RBFOX2: variants seen among roughly 807,000 people sequenced by gnomAD.
The protein encoded by RBFOX2 is RNA binding fox-1 homolog 2, also known as RNA binding protein fox-1 homolog 2.
RBFOX2 carries 10 observed loss-of-function variants against 49.1 expected under a neutral mutation model. The ratio of observed to expected loss-of-function variants is 0.20; its 90% CI spans 0.13 to 0.35. The LOEUF (loss-of-function observed/expected upper bound fraction) is 0.35. Ranked by LOEUF, RBFOX2 falls within the 10% of genes least tolerant of loss-of-function variation. The pLI, the probability that RBFOX2 is intolerant of heterozygous loss-of-function variation, is 1.00. For synonymous variants in RBFOX2, 183 were observed against 187.4 expected (o/e 0.98, Z 0.19); for missense variants, 323 against 486.9 (o/e 0.66, Z 3.17).
intron 1 of RBFOX2, among the ~76,000 whole-genome samples, chr22:35,894,978 T>TAAA (rs397936423): frequency 7.4e-6 from 1 of 135,612 alleles, no homozygotes; most frequent in Non-Finnish European, 1.6e-5. Context: ...TAAAAAATCC[T>TAAA]AAAAAAAAAA....
At chr22:35,761,517 G>C (rs912623419) in intron 6 of RBFOX2, 49 bp from the exon 8 acceptor site, 1 of 1,596,278 alleles carries the variant, frequency 6.3e-7, no homozygotes, top group Non-Finnish European at 8.6e-7. Flanking sequence ...TTTGAGGAAA[G>C]GGATGATCAG....
chr22:35,928,942 AAC>A (rs770530088), intron 1 of RBFOX2, among the ~76,000 whole-genome samples: 1 of 152,018 alleles, frequency 6.6e-6, no homozygotes. Context: ...CACTTTGGAA[AAC>A]AGTCTGTGGT....
chr22:35,840,177 A>C (rs1352715847), intron 1 of RBFOX2: 1 of 1,613,584 alleles, frequency 6.2e-7, no homozygotes, highest in African/African-American at 1.3e-5. Context: ...CATGCCGAGG[A>C]AGCACAAATC....
chr22:35,805,182 C>T (rs1033830154), intron 2 of RBFOX2, among the ~76,000 whole-genome samples: 18 of 146,940 alleles, frequency 1.2e-4, no homozygotes, highest in African/African-American at 2.8e-4. Context: ...CCCAGCTATG[C>T]GGGAGGCTGA....
intron 1 of RBFOX2, chr22:35,999,983 T>TTATATATATA (rs373901120): frequency 1.2e-3 from 164 of 135,580 alleles, no homozygotes; most frequent in Non-Finnish European, 2.0e-3. Flanking sequence ...AATATAAAAG[T>TTATATATATA]TATATATATA....
At chr22:36,001,227 ACACAC>A (rs1321785752) in intron 1 of RBFOX2, among the ~76,000 whole-genome samples, 2 of 115,996 alleles carry the variant, frequency 1.7e-5, no homozygotes, top group Non-Finnish European at 3.8e-5. Context: ...ACACACACAC[ACACAC>A]ACTATATGTA....
At chr22:35,860,442 T>C (rs141126452) in intron 1 of RBFOX2, among the ~76,000 whole-genome samples, 1 of 152,316 alleles carries the variant, frequency 6.6e-6, no homozygotes, top group East Asian at 1.9e-4. Context: ...CCCAAACTCC[T>C]GACCCGCAGA....
chr22:35,982,037 G>A (rs888925114), intron 1 of RBFOX2, among the ~76,000 whole-genome samples: 6 of 152,156 alleles, frequency 3.9e-5, no homozygotes, highest in Non-Finnish European at 8.8e-5. Context: ...TGTACTTACA[G>A]CCAATCATGC....
At chr22:35,973,464 C>T (rs6000049) in intron 1 of RBFOX2, among the ~76,000 whole-genome samples, 18,638 of 152,148 alleles carry the variant, frequency 0.12, 2,364 homozygotes, top group African/African-American at 0.32. Flanking sequence ...TCAATAGGAG[C>T]GCCACCTTTA....
chr22:35,890,143 T>A (rs1603440150), intron 1 of RBFOX2, among the ~76,000 whole-genome samples: 1 of 152,190 alleles, frequency 6.6e-6, no homozygotes, highest in African/African-American at 2.4e-5. Flanking sequence ...TAAGAATATA[T>A]CTTTTTCGTA....
intron 2 of RBFOX2, 121 bp downstream of exon 3, chr22:35,809,658 GT>G: frequency 3.7e-6 from 4 of 1,071,198 alleles, no homozygotes; most frequent in Non-Finnish European, 5.6e-6. Flanking sequence ...GAGAGAAGGT[GT>G]AAATGAGAAC....
chr22:35,831,487 C>T (rs1048734019), intron 1 of RBFOX2, among the ~76,000 whole-genome samples: 1 of 152,090 alleles, frequency 6.6e-6, no homozygotes. Context: ...TATTTTGTGA[C>T]ACATACATAT....
chr22:35,904,826 T>C (rs1222043388), intron 1 of RBFOX2, among the ~76,000 whole-genome samples: 1 of 152,204 alleles, frequency 6.6e-6, no homozygotes, highest in Non-Finnish European at 1.5e-5. Flanking sequence ...AGCTGTCATA[T>C]GTGGTTATGT....
intron 1 of RBFOX2, among the ~76,000 whole-genome samples, chr22:35,910,997 G>A (rs2049753510): frequency 6.6e-6 from 1 of 152,076 alleles, no homozygotes; most frequent in Non-Finnish European, 1.5e-5. Flanking sequence ...AAATATAATA[G>A]TCCCCCACAT....
At chr22:35,949,289 A>G (rs1028144623) in intron 1 of RBFOX2, among the ~76,000 whole-genome samples, 2 of 152,224 alleles carry the variant, frequency 1.3e-5, no homozygotes, top group African/African-American at 4.8e-5. Context: ...TCATCTGTCA[A>G]TGGACACTTG....
intron 1 of RBFOX2, among the ~76,000 whole-genome samples, chr22:35,974,455 G>A (rs576201597): frequency 7.2e-5 from 11 of 152,246 alleles, no homozygotes; most frequent in Admixed American, 1.3e-4. Flanking sequence ...TTGGGAGGCC[G>A]AGGCGGGCAG....
At chr22:35,773,900 C>A (rs1943289905) in intron 4 of RBFOX2, among the ~76,000 whole-genome samples, 2 of 152,018 alleles carry the variant, frequency 1.3e-5, no homozygotes, top group African/African-American at 2.4e-5. Flanking sequence ...AGTTCTTAAT[C>A]ACTAAAAGTT....
At chr22:35,974,489 C>CCAG (rs2150027401) in intron 1 of RBFOX2, among the ~76,000 whole-genome samples, 1 of 152,200 alleles carries the variant, frequency 6.6e-6, no homozygotes, top group Non-Finnish European at 1.5e-5. Flanking sequence ...GAGTTGAATA[C>CCAG]CAGCCTGACC....
intron 3 of RBFOX2, among the ~76,000 whole-genome samples, chr22:35,780,448 T>A (rs74277043): frequency 6.6e-6 from 1 of 151,868 alleles, no homozygotes. Context: ...ACAAGCAGGC[T>A]CAGAAAAAAT....
Sources: gnomAD v4.1 joint callset for allele counts (sites outside exome capture counted in the v4.1 genomes callset) on GRCh38, gnomAD v4.1.1 for gene constraint, MANE v1.5 for transcripts, NCBI Gene and HGNC (gene_info 2026-07-23, HGNC 2026-07-21) for gene names.